The following RPL22 variants were observed in gnomAD, a reference collection of about 807,000 sequenced individuals.
RPL22 encodes the protein large ribosomal subunit protein eL22.
A neutral mutation model predicts 16.2 loss-of-function variants in RPL22; 4 were observed. That is an observed-to-expected ratio of 0.25 (90% confidence interval 0.12 to 0.57). The LOEUF is 0.57. Ranked by LOEUF, RPL22 falls within the 20% of genes least tolerant of loss-of-function variation. RPL22 has a pLI of 0.92. For missense variants in RPL22, 83 were observed against 156.1 expected, an observed-to-expected ratio of 0.53 and a Z score of 2.49; for synonymous variants, 43 against 54.8, an observed-to-expected ratio of 0.78 and a Z score of 0.95.
intron 3 of RPL22, among the ~76,000 whole-genome samples, chr1:6,187,417 A>G (rs995061155): frequency 4.6e-5 from 7 of 152,148 alleles, no homozygotes; most frequent in African/African-American, 1.7e-4. Flanking sequence ...AACGGAGACC[A>G]TCCTGGCTAA....
chr1:6,197,629 G>C (rs775210230), intron 2 of RPL22, 23 bp downstream of exon 2: 3 of 1,499,620 alleles, frequency 2.0e-6, no homozygotes, highest in Non-Finnish European at 2.8e-6. Flanking sequence ...GACCACCCGA[G>C]TGGCAATAAG....
intron 3 of RPL22, among the ~76,000 whole-genome samples, chr1:6,191,833 A>G (rs1326783655): frequency 6.6e-6 from 1 of 151,782 alleles, no homozygotes; most frequent in African/African-American, 2.4e-5. Flanking sequence ...CTCTGTCTCT[A>G]CTAAAAATAC....
At chr1:6,188,776 CAG>C (rs1446780362) in intron 3 of RPL22, among the ~76,000 whole-genome samples, 30 of 151,538 alleles carry the variant, frequency 2.0e-4, no homozygotes, top group African/African-American at 7.1e-4. Flanking sequence ...ATGAGATGCT[CAG>C]AGAGATCCCT....
intron 1 of RPL22, 141 bp downstream of exon 1, chr1:6,199,421 T>C: frequency 7.0e-7 from 1 of 1,426,124 alleles, no homozygotes; most frequent in Non-Finnish European, 9.2e-7. Context: ...GCAGGGGCTC[T>C]GGCCCGCTCC....
At chr1:6,190,658 T>C (rs886084259) in intron 3 of RPL22, among the ~76,000 whole-genome samples, 1 of 152,104 alleles carries the variant, frequency 6.6e-6, no homozygotes, top group African/African-American at 2.4e-5. Context: ...GGATTTAGTA[T>C]GATTAAAAGC....
In RPL22 at chr1:6,186,322, G is replaced by A; in HGVS notation, c.*350C>T. On this transcript the variant is annotated 3_prime_UTR_variant, in exon 4 of 4. Coordinates refer to ENST00000234875, the MANE Select transcript of RPL22 (RefSeq NM_000983.4). ...ATGAGAGAAGCCCATTTGTATCCCT[G>A]AATCATTGAGAAAAGCAACAGATAC... 1 of 265,714 alleles carries A rather than the reference G, an allele frequency of 3.8e-6. No individual in the cohort carries two copies. The highest frequency in any genetic ancestry group is 7.1e-6 in the Non-Finnish European group (1 of 140,016). The allele number at this position is 265,714 out of a possible 1,614,324, so 16.5% of individuals were successfully genotyped here. A position where few individuals can be genotyped will look rare whatever the true frequency, so the allele number is the denominator to read the frequency against.
Position 6,186,164 on chromosome 1 carries a change from CAT to C in RPL22, c.*506_*507del, listed in dbSNP as rs1464382776. 6.8e-5 allele frequency: 16 copies of C among 235,524 alleles called. No individual in the cohort carries two copies. Among genetic ancestry groups the C allele is most frequent in the Non-Finnish European group, 1.0e-4 (12 of 119,854 alleles). The allele number at this position is 235,524 out of a possible 1,614,324, so 14.6% of individuals were successfully genotyped here. On this transcript the variant is annotated 3_prime_UTR_variant, in exon 4 of 4. Coordinates refer to ENST00000234875, the MANE Select transcript of RPL22 (RefSeq NM_000983.4). ...CTCTAGGAAGAAGAGGATTAGCAGACATAATTGTGTGCGTCAAGAGAAATTTG... is the reference window on the plus strand; with the variant it reads ...CTCTAGGAAGAAGAGGATTAGCAGACAATTGTGTGCGTCAAGAGAAATTTG...
intron 2 of RPL22, among the ~76,000 whole-genome samples, chr1:6,197,154 C>T (rs565004691): frequency 1.2e-4 from 19 of 152,310 alleles, no homozygotes; most frequent in Admixed American, 6.5e-4. Flanking sequence ...TGCAGCCTCC[C>T]GAGTAGCTGG....
At chr1:6,189,646 A>C (rs969229548) in intron 3 of RPL22, among the ~76,000 whole-genome samples, 2 of 150,240 alleles carry the variant, frequency 1.3e-5, no homozygotes, top group Non-Finnish European at 3.0e-5. Context: ...CAGGCCAGGC[A>C]GGGTGCCTCA....
At chr1:6,192,189 C>T (rs1472137289) in intron 3 of RPL22, among the ~76,000 whole-genome samples, 1 of 152,076 alleles carries the variant, frequency 6.6e-6, no homozygotes, top group East Asian at 1.9e-4. Flanking sequence ...GGCTGGACTA[C>T]AGGCACATGT....
At position 6,186,506 on chromosome 1, in the gene RPL22, A is replaced by G. The variant is rs1017862724; in HGVS notation, c.*166T>C. 4 of 512,604 alleles carry G rather than the reference A, an allele frequency of 7.8e-6. No individual in the cohort carries two copies. In the African/African-American group the frequency reaches 8.2e-5, roughly 10 times the overall value. The allele number at this position is 512,604 out of a possible 1,614,324, so 31.8% of individuals were successfully genotyped here. ...ATTGAAATTTTTAAGCAGAAAAAAA[A>G]AGAAGTCAAGTTACAAATAAATGAG... is the stretch of plus-strand genomic sequence containing the variant. On this transcript the variant is annotated 3_prime_UTR_variant, in exon 4 of 4. Transcript: ENST00000234875.
intron 3 of RPL22, 98 bp from the exon 4 acceptor site, chr1:6,186,914 T>C (rs1667588138): frequency 6.4e-7 from 1 of 1,552,616 alleles, no homozygotes; most frequent in Non-Finnish European, 8.7e-7. Flanking sequence ...ATCATTACAA[T>C]TCAAGGTGTT....
rs766418714 is a variant in RPL22 at position 6,197,626 on chromosome 1, C to T, written c.117+26G>A. 5 of 1,481,024 alleles carry T rather than the reference C, an allele frequency of 3.4e-6. No individual in the cohort carries two copies. The East Asian group carries it at 9.0e-5, about 27-fold the overall frequency. 91.7% of individuals were successfully genotyped at this position (1,481,024 alleles called of 1,614,324 possible). A position where few individuals can be genotyped will look rare whatever the true frequency, so the allele number is the denominator to read the frequency against. ...GTATCTCAAAATGTTCGTGACCACCCGAGTGGCAATAAGGATGTAACTTAC... is the reference window on the plus strand; with the variant it reads ...GTATCTCAAAATGTTCGTGACCACCTGAGTGGCAATAAGGATGTAACTTAC... On this transcript the variant is annotated intron_variant, in intron 2 of 3. Transcript: ENST00000234875.
At chr1:6,198,223 G>C (rs1288959544) in intron 1 of RPL22, 2 of 181,822 alleles carry the variant, frequency 1.1e-5, no homozygotes, top group Non-Finnish European at 1.2e-5. Flanking sequence ...GTTCAGAGTA[G>C]GGTCCTGATC....
chr1:6,195,446 C>CAA (rs536240875), intron 2 of RPL22, among the ~76,000 whole-genome samples: 20 of 67,806 alleles, frequency 2.9e-4, no homozygotes, highest in Admixed American at 6.2e-4. Flanking sequence ...GACTCCGTCT[C>CAA]AAAAAAAAAA....
At chr1:6,194,934 C>G (rs1416779243) in intron 2 of RPL22, among the ~76,000 whole-genome samples, 1 of 152,026 alleles carries the variant, frequency 6.6e-6, no homozygotes, top group Non-Finnish European at 1.5e-5. Context: ...GTCAGGAGAT[C>G]GAGACCATCC....
At chr1:6,194,370 G>C (rs901518050) in intron 2 of RPL22, among the ~76,000 whole-genome samples, 1 of 152,164 alleles carries the variant, frequency 6.6e-6, no homozygotes, top group Non-Finnish European at 1.5e-5. Flanking sequence ...TTCTAGACCT[G>C]GTCCAGGGCC....
At position 6,197,748 on chromosome 1, in the gene RPL22, A is replaced by G. The variant is rs755844948; in HGVS notation, c.21T>C (p.Leu7=). Residue 7 remains leucine (L), a synonymous_variant, in exon 2 of 4, where the codon CTT becomes CTC. Transcript: ENST00000234875. MAPVKK[L]VVKGGKKKKQ... is the part of the protein sequence containing the mutation. ...TCTTTTTTTTGCCCCCCTTCACCAC[A>G]AGCTTTTTCTAAGAAAATACACAAA... The G allele has an allele frequency of 1.9e-6, 3 of 1,611,108 alleles. No homozygotes were observed. In the South Asian group the frequency reaches 3.3e-5, roughly 18 times the overall value.
At chr1:6,194,369 T>C (rs1667689318) in intron 2 of RPL22, among the ~76,000 whole-genome samples, 1 of 152,192 alleles carries the variant, frequency 6.6e-6, no homozygotes, top group Non-Finnish European at 1.5e-5. Context: ...ATTCTAGACC[T>C]GGTCCAGGGC....
Sources: gnomAD v4.1 joint callset for allele counts (sites outside exome capture counted in the v4.1 genomes callset) on GRCh38, gnomAD v4.1.1 for gene constraint, MANE v1.5 for transcripts, NCBI Gene and HGNC (gene_info 2026-07-23, HGNC 2026-07-21) for gene names.